The following DNHD1 variants were observed in gnomAD, a reference collection of about 807,000 sequenced individuals.
The protein encoded by DNHD1 is dynein heavy chain domain-containing protein 1.
DNHD1 carries 383 observed loss-of-function variants against 458.1 expected under a neutral mutation model. The ratio of observed to expected loss-of-function variants is 0.84; its 90% CI spans 0.77 to 0.91. DNHD1 has a LOEUF of 0.91. Ranked by LOEUF, DNHD1 falls within the 40% of genes least tolerant of loss-of-function variation. The pLI, the probability that DNHD1 is intolerant of heterozygous loss-of-function variation, is 0.00. For synonymous variants in DNHD1, 2,203 were observed against 2,376.9 expected, an observed-to-expected ratio of 0.93 and a Z score of 2.13; for missense variants, 5,336 against 5,866.1, an observed-to-expected ratio of 0.91 and a Z score of 2.95.
rs1349925341 is a variant in DNHD1, at chr11:6,566,610, G to A, written c.11230G>A (p.Gly3744Arg). 1 of 1,613,710 alleles carries A rather than the reference G, an allele frequency of 6.2e-7. No individual in the cohort carries two copies. Among genetic ancestry groups the A allele is most frequent in the Non-Finnish European group, 8.5e-7 (1 of 1,179,856 alleles). ...AGTGCTAGGTTGTGAACTGCTAAAG[G>A]GGCTGAATGTGTTGGATCTGGGCCT... ...EKVLGCELLK[G>R]LNVLDLGLNM... is the part of the protein sequence containing the mutation. Residue 3744 changes from glycine to arginine, a missense_variant, in exon 35 of 43, where the codon GGG becomes AGG. This residue lies in a region of DNHD1 where 695 missense variants were observed against 804.2 expected (regional missense o/e 0.86). Transcript: ENST00000254579.
Position 6,566,767 on chromosome 11 carries a change from T to G in DNHD1, c.11385+2T>G, listed in dbSNP as rs1589897868. On this transcript the variant is annotated splice_donor_variant, in intron 35 of 42. Transcript: ENST00000254579. LOFTEE classifies it high-confidence loss of function. ...TGCAAGGCTGTGGAGGCTGCTGAGG[T>G]GCTTGGGGGCTCAGTCTGTGGGTTG... 6.2e-7 allele frequency: 1 copy of G among 1,608,346 alleles called. No homozygotes were observed. Among genetic ancestry groups the G allele is most frequent in the Non-Finnish European group, 8.5e-7 (1 of 1,177,236 alleles).
rs372746680 is a variant in DNHD1 at position 6,506,136 on chromosome 11, C to T, written c.921-2744C>T. On this transcript the variant is annotated intron_variant, in intron 4 of 42. Transcript: ENST00000254579. Reference sequence around the variant, plus strand: ...AGTTCAGCATTTGGTGCTGCTTTTCCCCAAACAGAGGGACCTCTCAATTCC... The same window carrying T: ...AGTTCAGCATTTGGTGCTGCTTTTCTCCAAACAGAGGGACCTCTCAATTCC... 7.8e-4 allele frequency among the ~76,000 whole-genome samples: 119 copies of T among 152,306 alleles called. 1 individual carries two copies. Among genetic ancestry groups the T allele is most frequent in the African/African-American group, 2.7e-3 (113 of 41,556 alleles).
intron 24 of DNHD1, among the ~76,000 whole-genome samples, chr11:6,553,975 A>G (rs189513562): frequency 6.6e-6 from 1 of 151,710 alleles, no homozygotes; most frequent in African/African-American, 2.4e-5. Context: ...TTTTTTTGGT[A>G]AGTTGACAGT....
chr11:6,547,840 C>T (rs1408699397), intron 21 of DNHD1, 23 bp from the exon 22 acceptor site: 6 of 1,550,862 alleles, frequency 3.9e-6, no homozygotes, highest in African/African-American at 2.7e-5. Flanking sequence ...GGGCTCCTCT[C>T]GTGGCCATGG....
At chr11:6,563,670 C>G in intron 30 of DNHD1, 23 bp from the exon 31 acceptor site, 1 of 1,543,402 alleles carries the variant, frequency 6.5e-7, no homozygotes, top group Non-Finnish European at 8.7e-7. Flanking sequence ...GCTTCCCCAT[C>G]CCGTTAACAT....
chr11:6,507,470 T>C (rs1006084331), intron 4 of DNHD1, among the ~76,000 whole-genome samples: 2 of 152,220 alleles, frequency 1.3e-5, no homozygotes, highest in Non-Finnish European at 2.9e-5. Context: ...ATTTTTATTT[T>C]TCAGTTTTCT....
chr11:6,545,136 C>T lies in DNHD1; in HGVS notation c.4197C>T (p.Cys1399=), dbSNP rs1442127351. The T allele has an allele frequency of 2.1e-5, 32 of 1,552,042 alleles. 1 individual carries two copies. In the Middle Eastern group the frequency reaches 5.0e-4, roughly 24 times the overall value. Residue 1399 remains cysteine (C), a synonymous_variant, in exon 21 of 43, where the codon TGC becomes TGT. Transcript: ENST00000254579. This position sits in a 1 kb window ranked among gnomAD's most constrained non-coding sequence, Gnocchi z 4.9. ...TGCATGCTGTGAGCTTCAGGTCTTG[C>T]CCAACTGGTGAGAAAAACACAGATG... ...PHVHAVSFRS[C]PTGEKNTDDW...
At chr11:6,543,227 T>C (rs1279423781) in intron 18 of DNHD1, among the ~76,000 whole-genome samples, 1 of 152,210 alleles carries the variant, frequency 6.6e-6, no homozygotes. Flanking sequence ...TGTGTCTGAA[T>C]AAACCTCCTT....
At chr11:6,554,143 G>T (rs755949502) in intron 24 of DNHD1, among the ~76,000 whole-genome samples, 1 of 152,148 alleles carries the variant, frequency 6.6e-6, no homozygotes, top group Non-Finnish European at 1.5e-5. Context: ...TATACATATG[G>T]ACTAATGGAA....
At chr11:6,526,111 T>C (rs545557247) in intron 10 of DNHD1, among the ~76,000 whole-genome samples, 1 of 152,280 alleles carries the variant, frequency 6.6e-6, no homozygotes, top group Non-Finnish European at 1.5e-5. Context: ...TTTTTCCCTT[T>C]CTCTTGAAAT....
Position 6,566,741 on chromosome 11 carries a change from C to T in DNHD1, c.11361C>T (p.Thr3787=), listed in dbSNP as rs1308813242. 1.5e-5 allele frequency: 24 copies of T among 1,610,936 alleles called. No individual in the cohort carries two copies. The highest frequency in any genetic ancestry group is 1.7e-5 in the Non-Finnish European group (20 of 1,178,608). The part of the protein sequence containing the change: ...WQDLKIRALD[T]CKAVEAAEER... ...ACCTAAAGATCAGAGCCCTAGATAC[C>T]TGCAAGGCTGTGGAGGCTGCTGAGG... Residue 3787 remains threonine (T), a synonymous_variant, in exon 35 of 43, where the codon ACC becomes ACT. Coordinates refer to ENST00000254579, the MANE Select transcript of DNHD1 (RefSeq NM_144666.3).
rs1157894521 is a variant in DNHD1 at position 6,545,445 on chromosome 11, A to T, written c.4506A>T (p.Leu1502Phe). The T allele has an allele frequency of 6.4e-7, 1 of 1,551,744 alleles. No homozygotes were observed. The highest frequency in any genetic ancestry group is 1.4e-5 in the African/African-American group (1 of 73,082). The stretch of plus-strand genomic sequence containing the variant: ...TGTATGTCCAGCACTGGATCGACTT[A>T]GTCCAGGCCTTCCCATGGCAGTGTG... ...LQLYVQHWID[L>F]VQAFPWQCVL... The change falls in exon 21 of 43, where the codon TTA (leucine) becomes TTT (phenylalanine). Residue 1502 changes from leucine (L) to phenylalanine (F), a missense_variant. This residue lies in a region of DNHD1 where 3,932 missense variants were observed against 4,365.6 expected (regional missense o/e 0.90). Transcript: ENST00000254579. This position sits in a 1 kb window ranked among gnomAD's most constrained non-coding sequence, Gnocchi z 4.9.
intron 25 of DNHD1, 61 bp from the exon 26 acceptor site, chr11:6,558,424 T>G: frequency 6.5e-7 from 1 of 1,543,866 alleles, no homozygotes; most frequent in Non-Finnish European, 8.7e-7. Context: ...TGGCTGGGAC[T>G]GGGGCCAGGA....
chr11:6,545,031 CAGTG>C lies in DNHD1; in HGVS notation c.4095_4098del (p.Glu1366TrpfsTer2). The C allele has an allele frequency of 6.4e-7, 1 of 1,551,876 alleles. No homozygotes were observed. On this transcript the variant is annotated frameshift_variant, in exon 21 of 43. Coordinates refer to ENST00000254579, the MANE Select transcript of DNHD1 (RefSeq NM_144666.3). This position sits in a 1 kb window ranked among gnomAD's most constrained non-coding sequence, Gnocchi z 4.9. The stretch of plus-strand genomic sequence containing the variant: ...TCCCCCGCCTCTTCTTCCTTAGTGA[CAGTG>C]AGCTGGTAGCCCTGCTGGCTGCTCG...
chr11:6,502,678 A>G (rs565154398), intron 3 of DNHD1, 75 bp from the exon 4 acceptor site: 2 of 1,401,804 alleles, frequency 1.4e-6, no homozygotes, highest in Non-Finnish European at 9.5e-7. Context: ...TCACTAGCCA[A>G]CAGTGGCAAG....
rs1434042191 is a variant in DNHD1 at position 6,570,936 on chromosome 11, C to CCCGTGGT, written c.13424_13425insCCGTGGT (p.Asn4476ArgfsTer31). On this transcript the variant is annotated frameshift_variant, in exon 42 of 43. Transcript: ENST00000254579. LOFTEE classifies it high-confidence loss of function. Reference sequence around the variant, plus strand: ...GACGCCCCGTGGTCAGTGCTGGGGCCAAATGCACGGCGGCCTCTGGAGGGC... The same window carrying CCCGTGGT: ...GACGCCCCGTGGTCAGTGCTGGGGCCCCGTGGTAAATGCACGGCGGCCTCTGGAGGGC... The CCCGTGGT allele has an allele frequency of 6.2e-7, 1 of 1,609,458 alleles. No individual in the cohort carries two copies. The highest frequency in any genetic ancestry group is 8.5e-7 in the Non-Finnish European group (1 of 1,176,178).
intron 14 of DNHD1, among the ~76,000 whole-genome samples, chr11:6,537,728 C>T (rs1490570588): frequency 6.6e-6 from 1 of 152,018 alleles, no homozygotes; most frequent in African/African-American, 2.4e-5. Flanking sequence ...GTCAGGAGTT[C>T]GAGACAAGCC....
intron 10 of DNHD1, among the ~76,000 whole-genome samples, chr11:6,527,005 A>G (rs1852722989): frequency 6.6e-6 from 1 of 152,300 alleles, no homozygotes; most frequent in African/African-American, 2.4e-5. Flanking sequence ...GAGGTTGCAG[A>G]TGGTTTGACC....
chr11:6,561,408 A>T (rs953749051), intron 28 of DNHD1, among the ~76,000 whole-genome samples: 1 of 152,192 alleles, frequency 6.6e-6, no homozygotes, highest in African/African-American at 2.4e-5. Flanking sequence ...AGCTTGGGTG[A>T]CATAGTGAGA....
Sources: gnomAD v4.1 joint callset for allele counts (sites outside exome capture counted in the v4.1 genomes callset) on GRCh38, gnomAD v4.1.1 for gene constraint, gnomAD v4.1.1 regional missense constraint, Gnocchi (gnomAD v3.1) non-coding constraint, MANE v1.5 for transcripts, NCBI Gene and HGNC (gene_info 2026-07-23, HGNC 2026-07-21) for gene names.